SORCS2: variants seen among roughly 807,000 people sequenced by gnomAD.
SORCS2 encodes sortilin related VPS10 domain containing receptor 2, also known as VPS10 domain-containing receptor SorCS2.
Under a neutral mutation model 141.6 loss-of-function variants are expected in SORCS2, and 100 were observed. The observed-to-expected ratio is 0.71, with a 90% CI of 0.60 to 0.83. The LOEUF (loss-of-function observed/expected upper bound fraction) is 0.83. Ranked by LOEUF, SORCS2 falls within the 40% of genes least tolerant of loss-of-function variation. The probability of loss-of-function intolerance (pLI) is 0.00; values close to 1 mark genes in which losing one functional copy is unlikely to be tolerated. For synonymous variants in SORCS2, 789 were observed against 676.9 expected, an observed-to-expected ratio of 1.17 and a Z score of -2.57; for missense variants, 1,646 against 1,560.2, an observed-to-expected ratio of 1.05 and a Z score of -0.93.
rs548233947 is a variant in SORCS2 at position 7,531,448 on chromosome 4, G to A, written c.549-82G>A. Reference sequence around the variant, plus strand: ...GGGCACTCGGCCCGCACGGGCACAGGGCAGGGGCTGGACACCGTGTGGGCT... The same window carrying A: ...GGGCACTCGGCCCGCACGGGCACAGAGCAGGGGCTGGACACCGTGTGGGCT... On this transcript the variant is annotated intron_variant, in intron 2 of 26. Transcript: ENST00000507866. The A allele has an allele frequency of 5.9e-6, 8 of 1,357,126 alleles. No homozygotes were observed. In the South Asian group the frequency reaches 7.5e-5, roughly 13 times the overall value. 84.1% of individuals were successfully genotyped at this position (1,357,126 alleles called of 1,614,324 possible).
chr4:7,326,327 C>T (rs1011464048), intron 1 of SORCS2, among the ~76,000 whole-genome samples: 16 of 151,986 alleles, frequency 1.1e-4, no homozygotes, highest in South Asian at 4.2e-4. Flanking sequence ...ACCCTGGCAT[C>T]GGGTGGCTGC....
chr4:7,493,631 A>C (rs1731437782), intron 2 of SORCS2, among the ~76,000 whole-genome samples: 1 of 152,078 alleles, frequency 6.6e-6, no homozygotes, highest in South Asian at 2.1e-4. Flanking sequence ...ACCCTGCTGT[A>C]CCCTTGCTGA....
At chr4:7,686,842 C>T (rs1007757731) in intron 10 of SORCS2, among the ~76,000 whole-genome samples, 1 of 152,220 alleles carries the variant, frequency 6.6e-6, no homozygotes, top group Non-Finnish European at 1.5e-5. Flanking sequence ...TCTGTTTGGC[C>T]GTCAGCAGGC....
intron 1 of SORCS2, among the ~76,000 whole-genome samples, chr4:7,387,954 G>GCA (rs1277278801): frequency 1.4e-4 from 8 of 57,812 alleles, no homozygotes; most frequent in African/African-American, 2.6e-4. Flanking sequence ...ATACACACAT[G>GCA]CACACACACA....
intron 1 of SORCS2, among the ~76,000 whole-genome samples, chr4:7,248,928 G>A (rs1713305034): frequency 6.6e-6 from 1 of 152,182 alleles, no homozygotes; most frequent in East Asian, 1.9e-4. Context: ...ATGAGCCATT[G>A]GATTAGGCCA....
intron 11 of SORCS2, among the ~76,000 whole-genome samples, chr4:7,693,589 C>G (rs1724396434): frequency 1.3e-5 from 2 of 152,226 alleles, no homozygotes; most frequent in Non-Finnish European, 2.9e-5. Context: ...TCCAGACGTC[C>G]TCAGGATCCA....
At chr4:7,215,908 G>T (rs1231795754) in intron 1 of SORCS2, among the ~76,000 whole-genome samples, 2 of 151,688 alleles carry the variant, frequency 1.3e-5, no homozygotes, top group African/African-American at 4.8e-5. Context: ...CAATCAGCAG[G>T]ATGTGGGTGG....
At chr4:7,415,252 C>T (rs1157662401) in intron 2 of SORCS2, among the ~76,000 whole-genome samples, 1 of 152,156 alleles carries the variant, frequency 6.6e-6, no homozygotes, top group African/African-American at 2.4e-5. Context: ...CTCTGGAGGC[C>T]ACAAGTTCAA....
At chr4:7,194,787 G>A (rs531916284) in intron 1 of SORCS2, among the ~76,000 whole-genome samples, 1 of 152,360 alleles carries the variant, frequency 6.6e-6, no homozygotes, top group East Asian at 1.9e-4. Flanking sequence ...AGGCAACCCA[G>A]AAACTGAGAG....
At chr4:7,704,984 C>T (rs1231376796) in intron 14 of SORCS2, among the ~76,000 whole-genome samples, 2 of 152,146 alleles carry the variant, frequency 1.3e-5, no homozygotes, top group Non-Finnish European at 2.9e-5. Context: ...CTGCCTTTCA[C>T]GGTGATGCCT....
intron 20 of SORCS2, among the ~76,000 whole-genome samples, chr4:7,726,194 T>G (rs1727208988): frequency 6.6e-6 from 1 of 152,154 alleles, no homozygotes; most frequent in African/African-American, 2.4e-5. Flanking sequence ...GGTGGCCATG[T>G]GTGGAGATGG....
chr4:7,285,733 C>G (rs1716174860), intron 1 of SORCS2, among the ~76,000 whole-genome samples: 1 of 152,238 alleles, frequency 6.6e-6, no homozygotes, highest in South Asian at 2.1e-4. Flanking sequence ...CCAACAGAAG[C>G]TTCCGGAGCA....
At chr4:7,422,988 C>A (rs1402284277) in intron 2 of SORCS2, among the ~76,000 whole-genome samples, 3 of 147,970 alleles carry the variant, frequency 2.0e-5, no homozygotes, top group African/African-American at 7.5e-5. Context: ...GCACCTGCCA[C>A]CCCTCCCCTA....
chr4:7,458,865 A>G (rs1198045642), intron 2 of SORCS2, among the ~76,000 whole-genome samples: 1 of 152,066 alleles, frequency 6.6e-6, no homozygotes, highest in East Asian at 1.9e-4. Flanking sequence ...GCCCTAAGGA[A>G]TGAGCAGAAG....
intron 2 of SORCS2, chr4:7,434,040 TG>T (rs1727094127): frequency 6.2e-7 from 1 of 1,611,442 alleles, no homozygotes. Flanking sequence ...TCTGTTTCCT[TG>T]GCAACCCCAG....
intron 2 of SORCS2, among the ~76,000 whole-genome samples, chr4:7,477,133 C>T (rs975628337): frequency 3.3e-5 from 5 of 152,222 alleles, no homozygotes; most frequent in African/African-American, 1.2e-4. Flanking sequence ...GGAGGGGGCT[C>T]TGTGGGGCTG....
chr4:7,316,236 AT>A (rs1718544071), intron 1 of SORCS2, among the ~76,000 whole-genome samples: 4 of 151,958 alleles, frequency 2.6e-5, no homozygotes, highest in Non-Finnish European at 5.9e-5. Context: ...CCATCCATCC[AT>A]CCATCCATCC....
At chr4:7,636,321 G>A (rs1560444106) in intron 3 of SORCS2, among the ~76,000 whole-genome samples, 2 of 152,230 alleles carry the variant, frequency 1.3e-5, no homozygotes, top group Non-Finnish European at 2.9e-5. Context: ...GCATCTCTGC[G>A]GCGCCCGGTG....
At chr4:7,528,411 T>G (rs12511155) in intron 2 of SORCS2, among the ~76,000 whole-genome samples, 46,767 of 151,194 alleles carry the variant, frequency 0.31, 8,004 homozygotes, top group Middle Eastern at 0.46. Context: ...CGTTTTTTTT[T>G]TTGTTGTTGT....
Sources: gnomAD v4.1 joint callset for allele counts (sites outside exome capture counted in the v4.1 genomes callset) on GRCh38, gnomAD v4.1.1 for gene constraint, MANE v1.5 for transcripts, NCBI Gene and HGNC (gene_info 2026-07-23, HGNC 2026-07-21) for gene names.